MYO16: variants seen among roughly 807,000 people sequenced by gnomAD.
The protein encoded by MYO16 is myosin XVI.
In MYO16, 94 loss-of-function variants were observed where a neutral mutation model predicts 205.3. The ratio of observed to expected loss-of-function variants is 0.46; its 90% confidence interval spans 0.39 to 0.54. The LOEUF (loss-of-function observed/expected upper bound fraction) is 0.54. MYO16 is among the 20% of genes least tolerant of loss of function. The probability of loss-of-function intolerance (pLI) is 0.00; values close to 1 mark genes in which losing one functional copy is unlikely to be tolerated. For synonymous variants in MYO16, 988 were observed against 954.0 expected, an observed-to-expected ratio of 1.04 and a Z score of -0.66; for missense variants, 2,315 against 2,387.5, an observed-to-expected ratio of 0.97 and a Z score of 0.63.
intron 20 of MYO16, among the ~76,000 whole-genome samples, chr13:108,972,249 C>CTCTCTCTCTCTCTCTCTATATATA (rs1178345437): frequency 3.5e-4 from 1 of 2,850 alleles, no homozygotes; most frequent in African/African-American, 1.3e-3. Context: ...CTCTCTCTCT[C>CTCTCTCTCTCTCTCTCTATATATA]TATATATATA....
At chr13:109,100,989 C>T in intron 28 of MYO16, 102 bp downstream of exon 28, 1 of 978,156 alleles carries the variant, frequency 1.0e-6, no homozygotes, top group Non-Finnish European at 1.6e-6. Context: ...AAAACAAATT[C>T]CTTTGATGTG....
chr13:108,906,439 G>GT (rs574947700), intron 15 of MYO16, among the ~76,000 whole-genome samples: 2 of 152,044 alleles, frequency 1.3e-5, no homozygotes, highest in African/African-American at 2.4e-5. Flanking sequence ...TTTGCTTTGT[G>GT]TTTTTTTCCC....
In MYO16 at chr13:109,141,868, C is replaced by T. The variant is rs1028998312; in HGVS notation, c.5164+492C>T. Among the ~76,000 whole-genome samples, 2 of 152,106 alleles carry T rather than the reference C, an allele frequency of 1.3e-5. No individual in the cohort carries two copies. Among genetic ancestry groups the T allele is most frequent in the Non-Finnish European group, 2.9e-5 (2 of 68,026 alleles). On this transcript the variant is annotated intron_variant, in intron 32 of 34. Transcript: ENST00000457511. The surrounding 1 kb of genome is among the most constrained non-coding windows in gnomAD (Gnocchi z 4.1). ...GTTGACCTAGCCAGTTACTACCCTG[C>T]GCTTAATGCCACTCGGCTGTGGGCT... is the stretch of plus-strand genomic sequence containing the variant.
chr13:109,074,320 A>G (rs1384350385), intron 27 of MYO16, among the ~76,000 whole-genome samples: 3 of 152,190 alleles, frequency 2.0e-5, no homozygotes, highest in African/African-American at 7.2e-5. Context: ...TGCCTCCTGT[A>G]TTAGTCCGTT....
At chr13:108,968,174 C>G (rs1883868966) in intron 20 of MYO16, among the ~76,000 whole-genome samples, 2 of 152,212 alleles carry the variant, frequency 1.3e-5, no homozygotes. Flanking sequence ...CTCACCGTGT[C>G]TTCACCTCTC....
intron 1 of MYO16, among the ~76,000 whole-genome samples, chr13:108,635,699 C>T (rs1880193901): frequency 6.6e-6 from 1 of 151,946 alleles, no homozygotes; most frequent in African/African-American, 2.4e-5. Context: ...GGGTTTTCAC[C>T]ATGTTGGTCA....
chr13:108,707,389 T>TTAATAACC (rs1883550272), intron 2 of MYO16, among the ~76,000 whole-genome samples: 1 of 152,184 alleles, frequency 6.6e-6, no homozygotes. Context: ...CTGCCTGAAT[T>TTAATAACC]TAATAACCTG....
the MYO16 span, among the ~76,000 whole-genome samples, chr13:108,502,084 G>GGA: frequency 2.0e-5 from 3 of 152,224 alleles, no homozygotes; most frequent in East Asian, 3.9e-4. Context: ...GTGGTGGCAC[G>GGA]TGTCTGTAGT....
intron 31 of MYO16, among the ~76,000 whole-genome samples, chr13:109,132,034 C>T (rs1013572553): frequency 6.6e-6 from 1 of 152,152 alleles, no homozygotes; most frequent in Non-Finnish European, 1.5e-5. Context: ...ACGTAGCAAG[C>T]GCACAGCAAA....
At chr13:108,655,254 AGTG>A (rs1294533919) in intron 1 of MYO16, among the ~76,000 whole-genome samples, 1 of 152,172 alleles carries the variant, frequency 6.6e-6, no homozygotes, top group Non-Finnish European at 1.5e-5. Flanking sequence ...CTAGGGACTT[AGTG>A]TCCTGCGTCC....
the MYO16 span, among the ~76,000 whole-genome samples, chr13:108,516,250 C>G: frequency 6.6e-6 from 1 of 151,544 alleles, no homozygotes; most frequent in East Asian, 2.0e-4. Context: ...CAGGCGCGTC[C>G]GTCACCCCTT....
intron 14 of MYO16, 65 bp from the exon 15 acceptor site, chr13:108,897,951 T>A (rs1880510304): frequency 8.1e-7 from 1 of 1,227,362 alleles, no homozygotes; most frequent in Admixed American, 1.7e-5. Context: ...GCATCGTCGC[T>A]ATTACTCATC....
At chr13:108,549,281 C>CA in the MYO16 span, among the ~76,000 whole-genome samples, 3 of 152,130 alleles carry the variant, frequency 2.0e-5, no homozygotes, top group Non-Finnish European at 4.4e-5. Context: ...TAAGATACCA[C>CA]ACAGCTGGTT....
chr13:109,204,548 A>G (rs1880523297), intron 34 of MYO16, among the ~76,000 whole-genome samples: 2 of 152,232 alleles, frequency 1.3e-5, no homozygotes, highest in Non-Finnish European at 2.9e-5. Context: ...AACATGGTAC[A>G]GGGGACTCTG....
chr13:109,100,218 G>A (rs61968408), intron 27 of MYO16, among the ~76,000 whole-genome samples: 34,961 of 152,080 alleles, frequency 0.23, 4,219 homozygotes, highest in Middle Eastern at 0.3. Context: ...ATGAATTTCA[G>A]CTAGGGAATG....
chr13:109,130,853 A>C (rs1325356121), intron 31 of MYO16, among the ~76,000 whole-genome samples: 3 of 152,252 alleles, frequency 2.0e-5, no homozygotes, highest in Admixed American at 6.5e-5. Flanking sequence ...GTAGCCAATT[A>C]AGTTTAGAGT....
At chr13:109,188,190 T>C (rs1456904573) in intron 34 of MYO16, among the ~76,000 whole-genome samples, 2 of 152,222 alleles carry the variant, frequency 1.3e-5, no homozygotes, top group African/African-American at 4.8e-5. Flanking sequence ...AGGTATATTT[T>C]TTCATCCTTT....
intron 3 of MYO16, among the ~76,000 whole-genome samples, chr13:108,719,146 C>T (rs983724880): frequency 3.3e-5 from 5 of 152,068 alleles, no homozygotes; most frequent in African/African-American, 1.2e-4. Context: ...AGAACTCTTT[C>T]CTGACAGGGT....
intron 21 of MYO16, among the ~76,000 whole-genome samples, chr13:109,004,973 T>G (rs1162815801): frequency 6.6e-6 from 1 of 152,210 alleles, no homozygotes; most frequent in East Asian, 1.9e-4. Context: ...TGAGTTTACC[T>G]AAGAAACACT....
Sources: allele counts gnomAD v4.1 joint callset (sites outside exome capture counted in the v4.1 genomes callset), GRCh38; gene constraint gnomAD v4.1.1; non-coding constraint Gnocchi (gnomAD v3.1); transcripts MANE v1.5; gene names NCBI Gene and HGNC (gene_info 2026-07-23, HGNC 2026-07-21).